The following SUN3 variants were observed in gnomAD, a reference collection of about 807,000 sequenced individuals.
SUN3 encodes Sad1 and UNC84 domain containing 3.
A neutral mutation model predicts 48.2 loss-of-function variants in SUN3; 36 were observed. The ratio of observed to expected loss-of-function variants is 0.75; its 90% CI spans 0.57 to 0.99. The LOEUF (loss-of-function observed/expected upper bound fraction) is 0.99, where lower values mean the gene tolerates loss of function less well. Among genes scored for constraint, SUN3 ranks in the 50% least tolerant of loss-of-function variants. The pLI, the probability that SUN3 is intolerant of heterozygous loss-of-function variation, is 0.00. For missense variants in SUN3, 419 were observed against 433.1 expected, an observed-to-expected ratio of 0.97 and a Z score of 0.29; for synonymous variants, 148 against 147.9, an observed-to-expected ratio of 1.00 and a Z score of 0.00.
rs1405900788 is a variant in SUN3, at chr7:48,017,165, C to T, written c.288+97G>A. ...CTACATTAATTTTATTAGATATTCTCATATAAAACAAAGATAACATATTGA... is the reference window on the plus strand; with the variant it reads ...CTACATTAATTTTATTAGATATTCTTATATAAAACAAAGATAACATATTGA... On this transcript the variant is annotated intron_variant, in intron 3 of 9. Transcript: ENST00000297325. 3 of 640,040 alleles carry T rather than the reference C, an allele frequency of 4.7e-6. No homozygotes were observed. In the African/African-American group the frequency reaches 5.6e-5, roughly 12 times the overall value. The allele number at this position is 640,040 out of a possible 1,614,324, so 39.6% of individuals were successfully genotyped here. A position where few individuals can be genotyped will look rare whatever the true frequency, so the allele number is the denominator to read the frequency against.
intron 2 of SUN3, among the ~76,000 whole-genome samples, chr7:48,018,151 C>T (rs1789865349): frequency 1.3e-5 from 2 of 152,146 alleles, no homozygotes; most frequent in African/African-American, 2.4e-5. Flanking sequence ...GAGATGAAGA[C>T]TAAGGCAGAG....
intron 6 of SUN3, among the ~76,000 whole-genome samples, chr7:48,005,063 T>A (rs545495707): frequency 6.6e-6 from 1 of 152,332 alleles, no homozygotes; most frequent in Non-Finnish European, 1.5e-5. Flanking sequence ...TGCACCTACA[T>A]TCGTCATCAT....
intron 8 of SUN3, among the ~76,000 whole-genome samples, chr7:47,993,166 C>CAACAA (rs1396217117): frequency 1.3e-5 from 2 of 152,118 alleles, no homozygotes; most frequent in Non-Finnish European, 2.9e-5. Flanking sequence ...CTAAATAGCT[C>CAACAA]AACTGAGAGC....
intron 3 of SUN3, among the ~76,000 whole-genome samples, chr7:48,011,337 T>G (rs941951583): frequency 1.3e-5 from 2 of 152,230 alleles, no homozygotes; most frequent in Non-Finnish European, 2.9e-5. Flanking sequence ...ACTATAAATG[T>G]GTTGTGTCTT....
At chr7:47,994,227 C>T in intron 8 of SUN3, 88 bp downstream of exon 8, 2 of 1,211,582 alleles carry the variant, frequency 1.7e-6, no homozygotes, top group South Asian at 1.4e-5. Context: ...AACTAGTTAT[C>T]TGTCCTAGTT....
At chr7:48,007,080 A>C in intron 5 of SUN3, 85 bp downstream of exon 5, 1 of 1,336,094 alleles carries the variant, frequency 7.5e-7, no homozygotes, top group Non-Finnish European at 1.0e-6. Context: ...GTGACATCGG[A>C]AGGACATACT....
At chr7:48,016,142 T>C (rs529270258) in intron 3 of SUN3, among the ~76,000 whole-genome samples, 1 of 152,146 alleles carries the variant, frequency 6.6e-6, no homozygotes, top group East Asian at 1.9e-4. Flanking sequence ...GCCAGTAATC[T>C]GACTCAACCA....
At chr7:48,000,667 T>G (rs1789336814) in intron 6 of SUN3, among the ~76,000 whole-genome samples, 1 of 152,236 alleles carries the variant, frequency 6.6e-6, no homozygotes. Flanking sequence ...CCTTCAGCAC[T>G]TTAAACATGT....
At chr7:48,006,557 A>G (rs1245082519) in intron 5 of SUN3, among the ~76,000 whole-genome samples, 2 of 152,080 alleles carry the variant, frequency 1.3e-5, no homozygotes, top group South Asian at 2.1e-4. Context: ...AAAAACGAAC[A>G]AACAAACAAA....
chr7:47,995,588 C>T (rs1440356786), intron 7 of SUN3, among the ~76,000 whole-genome samples: 3 of 152,106 alleles, frequency 2.0e-5, no homozygotes, highest in Admixed American at 2.0e-4. Flanking sequence ...GGGGATCTTA[C>T]TTGGAGATTT....
chr7:47,995,693 T>TAC (rs1789191086), intron 7 of SUN3, among the ~76,000 whole-genome samples: 1 of 152,192 alleles, frequency 6.6e-6, no homozygotes, highest in Non-Finnish European at 1.5e-5. Context: ...TCAACAAATG[T>TAC]TTGTTGAATG....
chr7:48,035,662 G>T, the SUN3 span: 1 of 645,498 alleles, frequency 1.5e-6, no homozygotes, highest in Non-Finnish European at 2.8e-6. This position sits in a 1 kb window ranked among gnomAD's most constrained non-coding sequence, Gnocchi z 4.0. Context: ...GACAATGGGG[G>T]CGCCCACTGT....
At chr7:48,035,896 C>T in the SUN3 span, among the ~76,000 whole-genome samples, 2 of 152,176 alleles carry the variant, frequency 1.3e-5, no homozygotes, top group African/African-American at 4.8e-5. This position sits in a 1 kb window ranked among gnomAD's most constrained non-coding sequence, Gnocchi z 4.0. Flanking sequence ...TGACGTGCCC[C>T]CTCTGTGTGC....
intron 3 of SUN3, among the ~76,000 whole-genome samples, chr7:48,010,698 T>G (rs1789659710): frequency 1.3e-5 from 2 of 152,198 alleles, no homozygotes; most frequent in East Asian, 1.9e-4. Context: ...GATCACTTTC[T>G]TGTAGCAACA....
intron 8 of SUN3, 79 bp downstream of exon 8, chr7:47,994,236 T>C: frequency 1.4e-6 from 2 of 1,389,474 alleles, no homozygotes; most frequent in African/African-American, 1.4e-5. Context: ...TCTGTCCTAG[T>C]TCAGAGGACA....
chr7:48,022,465 T>C (rs185321886), intron 2 of SUN3, among the ~76,000 whole-genome samples: 114 of 152,236 alleles, frequency 7.5e-4, no homozygotes, highest in Admixed American at 2.2e-3. Flanking sequence ...AGGGGATGGA[T>C]ACCCCATCCT....
At chr7:48,030,065 G>C (rs1008229344), upstream of SUN3, among the ~76,000 whole-genome samples, 2 of 152,010 alleles carry the variant, frequency 1.3e-5, no homozygotes, top group Non-Finnish European at 2.9e-5. Flanking sequence ...AGCCATCAGG[G>C]CTTCAAATAT....
In SUN3 at chr7:47,994,300, T is replaced by C. The variant is rs759870735; in HGVS notation, c.861+15A>G. The C allele has an allele frequency of 6.2e-7, 1 of 1,612,378 alleles. No homozygotes were observed. Among genetic ancestry groups the C allele is most frequent in the East Asian group, 2.2e-5 (1 of 44,822 alleles). On this transcript the variant is annotated intron_variant, in intron 8 of 9. Transcript: ENST00000297325. ...ATCAGGCCAATCTGAATGACAAATT[T>C]AGATAGCTTCTTACATAGACAGAAA...
chr7:48,028,942 C>A lies in SUN3; in HGVS notation c.-4G>T, dbSNP rs759875768. ...TTGCCTTTGTTTTTCCACTCATGAT[C>A]CCCTACCAAAGAACAAACAGCTGGT... On this transcript the variant is annotated 5_prime_UTR_variant, in exon 1 of 10. Coordinates refer to ENST00000297325, the MANE Select transcript of SUN3 (RefSeq NM_001030019.2). 3 of 1,613,776 alleles carry A rather than the reference C, an allele frequency of 1.9e-6. No individual in the cohort carries two copies. Among genetic ancestry groups the A allele is most frequent in the Non-Finnish European group, 2.5e-6 (3 of 1,179,806 alleles).
Sources: allele counts gnomAD v4.1 joint callset (sites outside exome capture counted in the v4.1 genomes callset), GRCh38; gene constraint gnomAD v4.1.1; non-coding constraint Gnocchi (gnomAD v3.1); transcripts MANE v1.5; gene names NCBI Gene and HGNC (gene_info 2026-07-23, HGNC 2026-07-21).